DSCAM: variants seen among roughly 807,000 people sequenced by gnomAD.
DSCAM encodes cell adhesion molecule DSCAM.
A neutral mutation model predicts 217.7 loss-of-function variants in DSCAM; 47 were observed. The ratio of observed to expected loss-of-function variants is 0.22; its 90% confidence interval spans 0.17 to 0.28. The LOEUF (loss-of-function observed/expected upper bound fraction) is 0.28, where lower values mean the gene tolerates loss of function less well. DSCAM is among the 10% of genes least tolerant of loss of function. The pLI, the probability that DSCAM is intolerant of heterozygous loss-of-function variation, is 1.00. For missense variants in DSCAM, 2,080 were observed against 2,618.3 expected (o/e 0.79, Z 4.49); for synonymous variants, 1,056 against 1,015.3 (o/e 1.04, Z -0.76).
At chr21:40,106,924 C>T (rs2089829085) in intron 20 of DSCAM, among the ~76,000 whole-genome samples, 2 of 150,820 alleles carry the variant, frequency 1.3e-5, no homozygotes, top group Admixed American at 1.3e-4. Context: ...AAAACTAGCT[C>T]CTGGATTTGT....
At chr21:40,634,207 T>C (rs2089726474) in intron 3 of DSCAM, among the ~76,000 whole-genome samples, 1 of 152,138 alleles carries the variant, frequency 6.6e-6, no homozygotes, top group South Asian at 2.1e-4. Context: ...ACACAGAAAG[T>C]TTGAAAACAA....
At position 40,310,693 on chromosome 21, in the gene DSCAM, T is replaced by A. The variant is rs532786555; in HGVS notation, c.2062+1388A>T. ...CCTGGCCTGGATCCTTCAGAGCAGA[T>A]TATATAGAAAGCAGGCTGATGTACT... On this transcript the variant is annotated intron_variant, in intron 9 of 32. Coordinates refer to ENST00000400454, the MANE Select transcript of DSCAM (RefSeq NM_001389.5). 4.6e-5 allele frequency among the ~76,000 whole-genome samples: 7 copies of A among 152,302 alleles called. No homozygotes were observed. In the East Asian group the frequency reaches 1.4e-3, roughly 29 times the overall value.
intron 11 of DSCAM, among the ~76,000 whole-genome samples, chr21:40,246,936 G>A (rs1281792331): frequency 6.6e-6 from 1 of 152,156 alleles, no homozygotes; most frequent in Non-Finnish European, 1.5e-5. Flanking sequence ...GGTTGAATTG[G>A]ATTTATAGCT....
At chr21:40,635,553 C>G (rs373140573) in intron 3 of DSCAM, among the ~76,000 whole-genome samples, 1 of 152,030 alleles carries the variant, frequency 6.6e-6, no homozygotes, top group Non-Finnish European at 1.5e-5. Flanking sequence ...CAGTGTATGC[C>G]GGTGTGTGCG....
At chr21:40,521,254 T>G (rs1490202240) in intron 3 of DSCAM, among the ~76,000 whole-genome samples, 1 of 152,186 alleles carries the variant, frequency 6.6e-6, no homozygotes, top group Non-Finnish European at 1.5e-5. Context: ...CACAGGACAT[T>G]TCCTTTGGAT....
At position 40,402,194 on chromosome 21, in the gene DSCAM, GGACTACA is replaced by G. The variant is rs1245461850; in HGVS notation, c.509-32956_509-32950del. Reference sequence around the variant, plus strand: ...CCTGCCTCAGCCTCCCGAGTAGCTGGGACTACAGACTACAGGCGCCCGCCACCACGCC... The same window carrying G: ...CCTGCCTCAGCCTCCCGAGTAGCTGGGACTACAGGCGCCCGCCACCACGCC... On this transcript the variant is annotated intron_variant, in intron 3 of 32. Transcript: ENST00000400454. Among the ~76,000 whole-genome samples, 54 of 150,478 alleles carry G rather than the reference GGACTACA, an allele frequency of 3.6e-4. 1 individual carries two copies. The highest frequency in any genetic ancestry group is 3.5e-3 in the Admixed American group (53 of 15,064).
chr21:40,158,875 T>C (rs1265487176), intron 16 of DSCAM, among the ~76,000 whole-genome samples: 1 of 152,230 alleles, frequency 6.6e-6, no homozygotes, highest in African/African-American at 2.4e-5. Context: ...TTGAAAGAAT[T>C]TGAAGTAGCT....
At chr21:40,638,256 C>T (rs2089833486) in intron 3 of DSCAM, among the ~76,000 whole-genome samples, 1 of 152,080 alleles carries the variant, frequency 6.6e-6, no homozygotes. Flanking sequence ...CATGTGTAAT[C>T]CTAAACTTTC....
chr21:40,110,193 G>A (rs946341055), intron 20 of DSCAM, among the ~76,000 whole-genome samples: 1 of 152,086 alleles, frequency 6.6e-6, no homozygotes, highest in Non-Finnish European at 1.5e-5. Context: ...CACCTCACAC[G>A]GCCAGGTACT....
At chr21:40,636,739 T>G (rs2089764585) in intron 3 of DSCAM, among the ~76,000 whole-genome samples, 1 of 150,764 alleles carries the variant, frequency 6.6e-6, no homozygotes, top group Non-Finnish European at 1.5e-5. Context: ...AGTCTGAGGA[T>G]TTTGGCCGGG....
chr21:40,518,315 G>C (rs1320072893), intron 3 of DSCAM, among the ~76,000 whole-genome samples: 6 of 86,018 alleles, frequency 7.0e-5, no homozygotes, highest in Non-Finnish European at 9.7e-5. Context: ...GTCTGTCAAA[G>C]AGCCTCGCAG....
intron 2 of DSCAM, among the ~76,000 whole-genome samples, chr21:40,696,447 G>A (rs926225590): frequency 3.3e-5 from 5 of 152,138 alleles, no homozygotes; most frequent in South Asian, 4.1e-4. Context: ...TGACATGCTC[G>A]GTCATGCAGA....
intron 3 of DSCAM, among the ~76,000 whole-genome samples, chr21:40,521,946 A>G (rs942137383): frequency 1.3e-5 from 2 of 152,244 alleles, no homozygotes; most frequent in Non-Finnish European, 2.9e-5. Flanking sequence ...ACACGTTTCA[A>G]AACATTACGT....
At chr21:40,291,406 A>G (rs2073890511) in intron 10 of DSCAM, among the ~76,000 whole-genome samples, 1 of 152,184 alleles carries the variant, frequency 6.6e-6, no homozygotes, top group Non-Finnish European at 1.5e-5. Context: ...AGACCGCATC[A>G]CCATCACCAC....
chr21:40,473,375 T>C (rs1263871896), intron 3 of DSCAM, among the ~76,000 whole-genome samples: 5 of 152,154 alleles, frequency 3.3e-5, no homozygotes, highest in African/African-American at 4.8e-5. Flanking sequence ...ACCAGTGACA[T>C]AGGCAGTAAC....
chr21:40,788,515 C>T (rs2091612622), intron 1 of DSCAM, among the ~76,000 whole-genome samples: 1 of 152,164 alleles, frequency 6.6e-6, no homozygotes, highest in East Asian at 1.9e-4. Context: ...CATCTCTTAT[C>T]CATATAGGTC....
intron 4 of DSCAM, among the ~76,000 whole-genome samples, chr21:40,366,776 T>C (rs1053077718): frequency 6.6e-6 from 1 of 152,186 alleles, no homozygotes. Context: ...GATATTACCT[T>C]CAAGGACTCG....
At chr21:40,608,876 T>G (rs1317228337) in intron 3 of DSCAM, among the ~76,000 whole-genome samples, 1 of 152,224 alleles carries the variant, frequency 6.6e-6, no homozygotes, top group Non-Finnish European at 1.5e-5. Context: ...GAGCTACCAC[T>G]CGTTTTCACC....
At chr21:40,231,058 G>A (rs576726296) in intron 11 of DSCAM, among the ~76,000 whole-genome samples, 70 of 151,424 alleles carry the variant, frequency 4.6e-4, no homozygotes, top group African/African-American at 1.5e-3. Flanking sequence ...GCTGGAGAGG[G>A]CTGGAGTGGG....
Sources: allele counts gnomAD v4.1 joint callset (sites outside exome capture counted in the v4.1 genomes callset), GRCh38; gene constraint gnomAD v4.1.1; transcripts MANE v1.5; gene names NCBI Gene and HGNC (gene_info 2026-07-23, HGNC 2026-07-21).